The following TMPRSS15 variants were observed in gnomAD, a reference collection of about 807,000 sequenced individuals.
TMPRSS15 encodes enteropeptidase.
In TMPRSS15, 128 loss-of-function variants were observed where a neutral mutation model predicts 125.3. That is an observed-to-expected ratio of 1.02 (90% CI 0.89 to 1.18). The LOEUF is 1.18. Among genes scored for constraint, TMPRSS15 ranks in the 50% most tolerant of loss-of-function variants. The probability of loss-of-function intolerance (pLI) is 0.00; values close to 1 mark genes in which losing one functional copy is unlikely to be tolerated. For missense variants in TMPRSS15, 1,283 were observed against 1,212.7 expected, an observed-to-expected ratio of 1.06 and a Z score of -0.86; for synonymous variants, 446 against 423.2, an observed-to-expected ratio of 1.05 and a Z score of -0.66.
chr21:18,316,289 A>T, intron 16 of TMPRSS15, among the ~76,000 whole-genome samples: 1 of 152,178 alleles, frequency 6.6e-6, no homozygotes, highest in East Asian at 1.9e-4. Context: ...TCTCTTCAAT[A>T]AACAAACTCC....
At chr21:18,294,226 T>C in intron 21 of TMPRSS15, 44 bp downstream of exon 21, 3 of 1,612,306 alleles carry the variant, frequency 1.9e-6, no homozygotes, top group Non-Finnish European at 1.7e-6. Flanking sequence ...CAGTGTCTGC[T>C]GTGGTGACCT....
chr21:18,336,652 T>A (rs2075395923), intron 13 of TMPRSS15, among the ~76,000 whole-genome samples: 1 of 152,188 alleles, frequency 6.6e-6, no homozygotes, highest in Admixed American at 6.5e-5. Context: ...CGTAGGCTAT[T>A]AGTTTGCTTT....
At chr21:18,314,339 C>T (rs989199640) in intron 17 of TMPRSS15, among the ~76,000 whole-genome samples, 11 of 152,128 alleles carry the variant, frequency 7.2e-5, no homozygotes, top group Non-Finnish European at 1.2e-4. Context: ...AGTGCAATGG[C>T]ATGATCTGGG....
intron 4 of TMPRSS15, 103 bp from the exon 5 acceptor site, chr21:18,379,421 A>T (rs953154858): frequency 1.0e-5 from 5 of 477,118 alleles, no homozygotes; most frequent in Non-Finnish European, 1.7e-5. Flanking sequence ...AAGAATTTTA[A>T]AAGTTATTAC....
chr21:18,422,614 G>A (rs576682825), intron 1 of TMPRSS15, among the ~76,000 whole-genome samples: 6 of 152,236 alleles, frequency 3.9e-5, no homozygotes, highest in South Asian at 2.1e-4. Flanking sequence ...AGCGTGGCAG[G>A]TGCTACAATT....
In TMPRSS15 at chr21:18,293,712, G is replaced by A. The variant is rs559575029; in HGVS notation, c.2486+558C>T. 2.6e-5 allele frequency among the ~76,000 whole-genome samples: 4 copies of A among 152,294 alleles called. No homozygotes were observed. The South Asian group carries it at 8.3e-4, about 32-fold the overall frequency. On this transcript the variant is annotated intron_variant, in intron 21 of 24. Coordinates refer to ENST00000284885, the MANE Select transcript of TMPRSS15 (RefSeq NM_002772.3). Reference sequence around the variant, plus strand: ...TTGTCCTATTATAGTATAAAACAGAGTCAGATACGGTTGATATTAGTTCTA... The same window carrying A: ...TTGTCCTATTATAGTATAAAACAGAATCAGATACGGTTGATATTAGTTCTA...
intron 16 of TMPRSS15, 71 bp from the exon 17 acceptor site, chr21:18,315,327 A>G: frequency 1.5e-6 from 2 of 1,312,072 alleles, no homozygotes; most frequent in East Asian, 2.4e-5. Context: ...TACAAATCCC[A>G]TTTGCTCCCC....
chr21:18,457,727 A>G (rs1601469394), intron 1 of TMPRSS15, among the ~76,000 whole-genome samples: 1 of 152,172 alleles, frequency 6.6e-6, no homozygotes, highest in Non-Finnish European at 1.5e-5. Flanking sequence ...GAAGGCAACA[A>G]CCTAAGCCTT....
chr21:18,365,614 TTC>T (rs199828397), intron 6 of TMPRSS15, among the ~76,000 whole-genome samples: 183 of 10,706 alleles, frequency 0.017, 7 homozygotes, highest in South Asian at 0.05. Flanking sequence ...TTCCTTCCTT[TTC>T]TCTCTTTCTT....
chr21:18,325,429 G>C (rs1408655601), intron 16 of TMPRSS15, among the ~76,000 whole-genome samples: 1 of 152,032 alleles, frequency 6.6e-6, no homozygotes, highest in Non-Finnish European at 1.5e-5. Context: ...ATTAAGGCAG[G>C]CAGCTTTCTG....
At chr21:18,330,300 T>G (rs998650277) in intron 14 of TMPRSS15, among the ~76,000 whole-genome samples, 4 of 152,000 alleles carry the variant, frequency 2.6e-5, no homozygotes. Flanking sequence ...ATGCTGATGA[T>G]TCTCATCCCT....
At chr21:18,402,498 C>G (rs1412222736) in intron 1 of TMPRSS15, among the ~76,000 whole-genome samples, 2 of 137,980 alleles carry the variant, frequency 1.4e-5, no homozygotes, top group Non-Finnish European at 3.0e-5. Context: ...CACTGCACTC[C>G]AGCCTGGCGA....
chr21:18,419,220 C>CTTTTTTTTTT (rs540004490), intron 1 of TMPRSS15, among the ~76,000 whole-genome samples: 1 of 108,606 alleles, frequency 9.2e-6, no homozygotes, highest in Non-Finnish European at 1.8e-5. Context: ...GACATTTCCT[C>CTTTTTTTTTT]TTTTTTTTTT....
At chr21:18,443,681 T>C (rs1400512549) in intron 1 of TMPRSS15, among the ~76,000 whole-genome samples, 1 of 152,174 alleles carries the variant, frequency 6.6e-6, no homozygotes, top group East Asian at 1.9e-4. Flanking sequence ...TAGACAAGGC[T>C]CAGTGCCAGC....
chr21:18,409,758 TTTGA>T (rs914506824), intron 1 of TMPRSS15, among the ~76,000 whole-genome samples: 4 of 152,144 alleles, frequency 2.6e-5, no homozygotes, highest in Non-Finnish European at 5.9e-5. Context: ...AAAATTTTTC[TTTGA>T]TTGAGTTTGC....
At chr21:18,331,475 A>G (rs2075344907) in intron 14 of TMPRSS15, among the ~76,000 whole-genome samples, 1 of 152,206 alleles carries the variant, frequency 6.6e-6, no homozygotes. Flanking sequence ...CTATTTAGGA[A>G]CATTGATGTA....
chr21:18,343,068 C>G (rs1189930281), intron 12 of TMPRSS15, among the ~76,000 whole-genome samples: 3 of 152,088 alleles, frequency 2.0e-5, no homozygotes, highest in African/African-American at 7.2e-5. Context: ...AAAGGAAATA[C>G]ATGGAGATTA....
In TMPRSS15 at chr21:18,269,875, T is replaced by G; in HGVS notation, c.*94A>C. Reference sequence around the variant, plus strand: ...GGTAAGAATAAAAACCTTTGGTAACTTTTTAAAATTTTTGTACGAAACACT... The same window carrying G: ...GGTAAGAATAAAAACCTTTGGTAACGTTTTAAAATTTTTGTACGAAACACT... On this transcript the variant is annotated 3_prime_UTR_variant, in exon 25 of 25. Coordinates refer to ENST00000284885, the MANE Select transcript of TMPRSS15 (RefSeq NM_002772.3). 5.3e-6 allele frequency: 8 copies of G among 1,511,308 alleles called. No individual in the cohort carries two copies. Among genetic ancestry groups the G allele is most frequent in the Non-Finnish European group, 7.2e-6 (8 of 1,110,248 alleles). The allele number at this position is 1,511,308 out of a possible 1,614,324, so 93.6% of individuals were successfully genotyped here.
chr21:18,300,302 C>T (rs1432203860), intron 18 of TMPRSS15, among the ~76,000 whole-genome samples: 1 of 146,310 alleles, frequency 6.8e-6, no homozygotes, highest in African/African-American at 2.5e-5. Flanking sequence ...CTTTCTCTCT[C>T]TCTCTCTTTC....
Sources: allele counts gnomAD v4.1 joint callset (sites outside exome capture counted in the v4.1 genomes callset), GRCh38; gene constraint gnomAD v4.1.1; transcripts MANE v1.5; gene names NCBI Gene and HGNC (gene_info 2026-07-23, HGNC 2026-07-21).